The following RPTOR variants were observed in gnomAD, a reference collection of about 807,000 sequenced individuals.
The protein encoded by RPTOR is regulatory-associated protein of mTOR.
Under a neutral mutation model 169.9 loss-of-function variants are expected in RPTOR, and 21 were observed. The ratio of observed to expected loss-of-function variants is 0.12; its 90% CI spans 0.09 to 0.18. The LOEUF (loss-of-function observed/expected upper bound fraction) is 0.18, where lower values mean the gene tolerates loss of function less well. Ranked by LOEUF, RPTOR falls within the 10% of genes least tolerant of loss-of-function variation. RPTOR has a pLI of 1.00. For missense variants in RPTOR, 1,133 were observed against 1,855.9 expected, an observed-to-expected ratio of 0.61 and a Z score of 7.16; for synonymous variants, 732 against 753.2, an observed-to-expected ratio of 0.97 and a Z score of 0.46.
intron 31 of RPTOR, among the ~76,000 whole-genome samples, chr17:80,962,047 G>A (rs1390055386): frequency 1.3e-5 from 2 of 152,208 alleles, no homozygotes; most frequent in Non-Finnish European, 2.9e-5. Context: ...GGCCTCAAAA[G>A]GGCCAGGCCA....
intron 10 of RPTOR, among the ~76,000 whole-genome samples, 163 bp from the exon 11 acceptor site, chr17:80,846,310 T>TG (rs1262287953): frequency 6.6e-6 from 1 of 152,252 alleles, no homozygotes; most frequent in Non-Finnish European, 1.5e-5. Context: ...TCTCCCTCTT[T>TG]GGCATGCCCA....
At chr17:80,770,967 G>A (rs767288144) in intron 6 of RPTOR, among the ~76,000 whole-genome samples, 18 of 152,196 alleles carry the variant, frequency 1.2e-4, no homozygotes, top group South Asian at 2.1e-4. Context: ...CTCCTGGCCC[G>A]GGGCAGTCCC....
intron 3 of RPTOR, among the ~76,000 whole-genome samples, chr17:80,662,650 A>G (rs1567844718): frequency 6.6e-6 from 1 of 152,096 alleles, no homozygotes; most frequent in Non-Finnish European, 1.5e-5. Context: ...TACAGGAGCA[A>G]TTGGGGAAGT....
intron 4 of RPTOR, among the ~76,000 whole-genome samples, chr17:80,709,957 T>C (rs2066173502): frequency 6.6e-6 from 1 of 152,070 alleles, no homozygotes; most frequent in South Asian, 2.1e-4. Context: ...TTCATCTTCT[T>C]ACACTCCTGA....
At chr17:80,938,015 A>C (rs1160711459) in intron 24 of RPTOR, among the ~76,000 whole-genome samples, 1 of 152,202 alleles carries the variant, frequency 6.6e-6, no homozygotes, top group Non-Finnish European at 1.5e-5. Flanking sequence ...GCTGTAAAGG[A>C]AGGCTGTGGG....
chr17:80,596,837 C>A (rs559104694), intron 1 of RPTOR, among the ~76,000 whole-genome samples: 3 of 152,294 alleles, frequency 2.0e-5, no homozygotes, highest in Admixed American at 2.0e-4. Context: ...AGGGTTGTCA[C>A]ATATTTTCCT....
intron 1 of RPTOR, among the ~76,000 whole-genome samples, chr17:80,590,742 C>CT (rs987440641): frequency 3.9e-5 from 6 of 152,270 alleles, no homozygotes; most frequent in African/African-American, 1.4e-4. Flanking sequence ...TTTTGTAACT[C>CT]TTTTTTTAAA....
At chr17:80,799,153 T>G (rs2067130749) in intron 7 of RPTOR, among the ~76,000 whole-genome samples, 1 of 152,250 alleles carries the variant, frequency 6.6e-6, no homozygotes, top group Admixed American at 6.5e-5. Flanking sequence ...GGATCCAGGT[T>G]AATGGTGAGA....
At chr17:80,956,650 C>T (rs923119292) in intron 28 of RPTOR, among the ~76,000 whole-genome samples, 1 of 152,274 alleles carries the variant, frequency 6.6e-6, no homozygotes, top group Non-Finnish European at 1.5e-5. Context: ...GGCGTCCAGA[C>T]GGCAGGCATC....
Position 80,562,844 on chromosome 17 carries a change from A to C in RPTOR, c.162+17053A>C, listed in dbSNP as rs1457226278. On this transcript the variant is annotated intron_variant, in intron 1 of 33. Coordinates refer to ENST00000306801, the MANE Select transcript of RPTOR (RefSeq NM_020761.3). This position sits in a 1 kb window ranked among gnomAD's most constrained non-coding sequence, Gnocchi z 4.4. ...CAGTTTAAAGATATATCAAAACAAA[A>C]GTACTGTGAAAAAGTTAAATCAGAT... Among the ~76,000 whole-genome samples, 1 of 152,238 alleles carries C rather than the reference A, an allele frequency of 6.6e-6. No homozygotes were observed. The highest frequency in any genetic ancestry group is 2.4e-5 in the African/African-American group (1 of 41,468).
chr17:80,587,455 T>G (rs994422138), intron 1 of RPTOR, among the ~76,000 whole-genome samples: 1 of 152,190 alleles, frequency 6.6e-6, no homozygotes, highest in African/African-American at 2.4e-5. Context: ...GCTATAAGTG[T>G]TTTTATATAT....
intron 1 of RPTOR, among the ~76,000 whole-genome samples, chr17:80,553,728 C>G (rs1259389502): frequency 4.7e-5 from 7 of 147,596 alleles, no homozygotes; most frequent in African/African-American, 1.7e-4. Flanking sequence ...AAAAGTTCAC[C>G]AGAGGATAGG....
At chr17:80,927,983 A>G (rs921402916) in intron 24 of RPTOR, among the ~76,000 whole-genome samples, 4 of 152,156 alleles carry the variant, frequency 2.6e-5, no homozygotes, top group African/African-American at 7.2e-5. Flanking sequence ...AGGAGCTGCC[A>G]TCACACAGGA....
At chr17:80,655,397 A>G (rs1351832121) in intron 3 of RPTOR, among the ~76,000 whole-genome samples, 1 of 151,744 alleles carries the variant, frequency 6.6e-6, no homozygotes, top group African/African-American at 2.4e-5. Context: ...TTTTAAATTT[A>G]TTTTTATTGA....
At chr17:80,656,874 G>A (rs1314368356) in intron 3 of RPTOR, among the ~76,000 whole-genome samples, 1 of 152,232 alleles carries the variant, frequency 6.6e-6, no homozygotes, top group Non-Finnish European at 1.5e-5. Context: ...CGGAACACTT[G>A]TATTGAGTGG....
chr17:80,761,913 G>C (rs972761895), intron 6 of RPTOR, among the ~76,000 whole-genome samples: 2 of 152,122 alleles, frequency 1.3e-5, no homozygotes, highest in Non-Finnish European at 2.9e-5. Flanking sequence ...ATCCCACTCT[G>C]TATCTTAGAC....
chr17:80,904,852 G>A (rs1050894164), intron 20 of RPTOR, among the ~76,000 whole-genome samples: 8 of 152,180 alleles, frequency 5.3e-5, no homozygotes, highest in African/African-American at 1.2e-4. Flanking sequence ...TGATCACAGC[G>A]TCATACTTTT....
chr17:80,660,951 C>T (rs2143647139), intron 3 of RPTOR, among the ~76,000 whole-genome samples: 1 of 152,296 alleles, frequency 6.6e-6, no homozygotes, highest in South Asian at 2.1e-4. Context: ...CAAGCTCCAA[C>T]CCCCACCCCC....
At chr17:80,631,532 G>T (rs1262610509) in intron 2 of RPTOR, among the ~76,000 whole-genome samples, 7 of 152,164 alleles carry the variant, frequency 4.6e-5, no homozygotes, top group Non-Finnish European at 8.8e-5. Flanking sequence ...GAGAGGACGG[G>T]CCTGTGGGAT....
Sources: gnomAD v4.1 joint callset for allele counts (sites outside exome capture counted in the v4.1 genomes callset) on GRCh38, gnomAD v4.1.1 for gene constraint, Gnocchi (gnomAD v3.1) non-coding constraint, MANE v1.5 for transcripts, NCBI Gene and HGNC (gene_info 2026-07-23, HGNC 2026-07-21) for gene names.